Variants in CAB39 observed in about 807,000 individuals in gnomAD.
CAB39 encodes the protein calcium binding protein 39, also known as calcium-binding protein 39.
A neutral mutation model predicts 40.0 loss-of-function variants in CAB39; 8 were observed. That is an observed-to-expected ratio of 0.20 (90% CI 0.12 to 0.36). CAB39 has a LOEUF of 0.36. CAB39 is among the 10% of genes least tolerant of loss of function. CAB39 has a pLI of 1.00. For synonymous variants in CAB39, 156 were observed against 141.6 expected, an observed-to-expected ratio of 1.10 and a Z score of -0.72; for missense variants, 270 against 401.1, an observed-to-expected ratio of 0.67 and a Z score of 2.79.
chr2:230,758,219 C>T (rs1695226949), intron 1 of CAB39, among the ~76,000 whole-genome samples: 1 of 149,230 alleles, frequency 6.7e-6, no homozygotes, highest in African/African-American at 2.5e-5. Flanking sequence ...ACAAGAATCA[C>T]TTGAACCTGG....
At chr2:230,718,966 C>T (rs911205924) in intron 1 of CAB39, among the ~76,000 whole-genome samples, 3 of 152,112 alleles carry the variant, frequency 2.0e-5, no homozygotes, top group East Asian at 1.9e-4. Context: ...GCAGTAATGT[C>T]TTCTTTTGGA....
rs150041626 is a variant in CAB39, at chr2:230,819,225, G to A, written c.*521G>A. ...GTTTGGGGGCAGCTAAAGTTGACATGCGAATAAATTGATACTGAAACTTAG... is the reference window on the plus strand; with the variant it reads ...GTTTGGGGGCAGCTAAAGTTGACATACGAATAAATTGATACTGAAACTTAG... On this transcript the variant is annotated 3_prime_UTR_variant, in exon 9 of 9. Coordinates refer to ENST00000258418, the MANE Select transcript of CAB39 (RefSeq NM_016289.4). 1 of 152,506 alleles carries A rather than the reference G, an allele frequency of 6.6e-6. No individual in the cohort carries two copies. The highest frequency in any genetic ancestry group is 1.9e-4 in the East Asian group (1 of 5,190). The allele number at this position is 152,506 out of a possible 1,614,324, so 9.4% of individuals were successfully genotyped here.
intron 2 of CAB39, among the ~76,000 whole-genome samples, chr2:230,783,238 C>T (rs1336130559): frequency 6.6e-6 from 1 of 152,162 alleles, no homozygotes; most frequent in Non-Finnish European, 1.5e-5. Context: ...GACCCAAGCT[C>T]TGGACATATG....
chr2:230,751,966 A>G (rs1451989362), intron 1 of CAB39, among the ~76,000 whole-genome samples: 1 of 147,686 alleles, frequency 6.8e-6, no homozygotes, highest in Non-Finnish European at 1.5e-5. Flanking sequence ...AAAAGCTCGA[A>G]TTTTAACTCT....
intron 2 of CAB39, among the ~76,000 whole-genome samples, chr2:230,774,530 G>A (rs1382208378): frequency 6.6e-6 from 1 of 152,206 alleles, no homozygotes; most frequent in East Asian, 1.9e-4. Context: ...TGTGGTGTAT[G>A]TGGGGACTAT....
rs955675914 is a variant in CAB39, at chr2:230,790,757, C to G, written c.115-115C>G. ...GAGCTTGCCCACTTTGCTTCTTGTT[C>G]ATAGGTCCATGGGTCTGTAATATAG... On this transcript the variant is annotated intron_variant, in intron 2 of 8. Coordinates refer to ENST00000258418, the MANE Select transcript of CAB39 (RefSeq NM_016289.4). 1.9e-5 allele frequency: 16 copies of G among 860,098 alleles called. No individual in the cohort carries two copies. In the East Asian group the frequency reaches 3.7e-4, roughly 20 times the overall value. 53.3% of individuals were successfully genotyped at this position (860,098 alleles called of 1,614,324 possible).
intron 1 of CAB39, among the ~76,000 whole-genome samples, chr2:230,736,013 C>T (rs374158625): frequency 6.6e-6 from 1 of 152,080 alleles, no homozygotes; most frequent in South Asian, 2.1e-4. Context: ...AGAGTTATGC[C>T]GACCATCTCT....
intron 1 of CAB39, among the ~76,000 whole-genome samples, chr2:230,740,811 C>G (rs1181298458): frequency 6.6e-6 from 1 of 152,178 alleles, no homozygotes; most frequent in African/African-American, 2.4e-5. Context: ...ACTCCACAGC[C>G]CGGGGGCTGG....
chr2:230,773,459 C>G (rs1265722502), intron 2 of CAB39, among the ~76,000 whole-genome samples: 1 of 151,776 alleles, frequency 6.6e-6, no homozygotes, highest in Non-Finnish European at 1.5e-5. Context: ...GCTTAGAAAC[C>G]ATAAAGCACC....
At chr2:230,717,496 C>G (rs1002179156) in intron 1 of CAB39, among the ~76,000 whole-genome samples, 2 of 152,128 alleles carry the variant, frequency 1.3e-5, no homozygotes, top group African/African-American at 2.4e-5. Context: ...AGAGACTGGA[C>G]TCAACTCCCC....
chr2:230,760,949 C>G (rs1381708124), intron 2 of CAB39, among the ~76,000 whole-genome samples: 1 of 151,698 alleles, frequency 6.6e-6, no homozygotes, highest in Non-Finnish European at 1.5e-5. Context: ...GTAGATTCTT[C>G]TTGTAACACA....
chr2:230,776,207 A>AGGG (rs1175713316), intron 2 of CAB39, among the ~76,000 whole-genome samples: 1 of 152,158 alleles, frequency 6.6e-6, no homozygotes. Flanking sequence ...GGGTATACTG[A>AGGG]GGGGGAGTGC....
At chr2:230,741,707 A>T (rs1694880324) in intron 1 of CAB39, among the ~76,000 whole-genome samples, 1 of 152,228 alleles carries the variant, frequency 6.6e-6, no homozygotes. Context: ...TTCAGTTTTT[A>T]AAATATCCTC....
intron 1 of CAB39, among the ~76,000 whole-genome samples, chr2:230,747,885 T>G (rs1169270904): frequency 1.3e-5 from 2 of 152,256 alleles, no homozygotes; most frequent in African/African-American, 4.8e-5. Context: ...GGAAATCCCA[T>G]ATCACTCATA....
chr2:230,737,661 T>C (rs1575910687), intron 1 of CAB39, among the ~76,000 whole-genome samples: 1 of 152,208 alleles, frequency 6.6e-6, no homozygotes, highest in Admixed American at 6.5e-5. Flanking sequence ...TAAAATGCCA[T>C]GTTCAAAATT....
chr2:230,816,290 A>C (rs1403020534), intron 7 of CAB39, among the ~76,000 whole-genome samples: 1 of 152,210 alleles, frequency 6.6e-6, no homozygotes, highest in Non-Finnish European at 1.5e-5. Context: ...AAAAAGAATT[A>C]CATATTTGAA....
At chr2:230,784,565 A>T (rs1015368438) in intron 2 of CAB39, among the ~76,000 whole-genome samples, 1 of 152,180 alleles carries the variant, frequency 6.6e-6, no homozygotes, top group African/African-American at 2.4e-5. Flanking sequence ...GGCAAAAAGG[A>T]GACAGAGAAG....
rs1451384490 is a variant in CAB39 at position 230,713,000 on chromosome 2, G to A, written c.-274G>A. The A allele has an allele frequency of 6.6e-6, 1 of 150,886 alleles. No homozygotes were observed. The allele number at this position is 150,886 out of a possible 1,614,324, so 9.3% of individuals were successfully genotyped here. A position where few individuals can be genotyped will look rare whatever the true frequency, so the allele number is the denominator to read the frequency against. Reference sequence around the variant, plus strand: ...CCACAGCAGCAGCCGCAGCCCAAGCGAGCGCAGCAGCGCGGCGGCAGCCGC... The same window carrying A: ...CCACAGCAGCAGCCGCAGCCCAAGCAAGCGCAGCAGCGCGGCGGCAGCCGC... On this transcript the variant is annotated 5_prime_UTR_variant, in exon 1 of 9. Coordinates refer to ENST00000258418, the MANE Select transcript of CAB39 (RefSeq NM_016289.4).
chr2:230,788,048 T>G (rs1695824239), intron 2 of CAB39, among the ~76,000 whole-genome samples: 1 of 152,226 alleles, frequency 6.6e-6, no homozygotes, highest in African/African-American at 2.4e-5. Context: ...CTGAATACCA[T>G]GAGACTATAT....
Sources: gnomAD v4.1 joint callset for allele counts (sites outside exome capture counted in the v4.1 genomes callset) on GRCh38, gnomAD v4.1.1 for gene constraint, MANE v1.5 for transcripts, NCBI Gene and HGNC (gene_info 2026-07-23, HGNC 2026-07-21) for gene names.